The following PDE4B variants were observed in gnomAD, a reference collection of about 807,000 sequenced individuals.
PDE4B encodes the protein 3',5'-cyclic-AMP phosphodiesterase 4B.
PDE4B carries 20 observed loss-of-function variants against 82.2 expected under a neutral mutation model. That is an observed-to-expected ratio of 0.24 (90% CI 0.17 to 0.35). The LOEUF is 0.35. PDE4B is among the 10% of genes least tolerant of loss of function. PDE4B has a pLI of 1.00. For synonymous variants in PDE4B, 320 were observed against 318.9 expected, an observed-to-expected ratio of 1.00 and a Z score of -0.04; for missense variants, 655 against 907.2, an observed-to-expected ratio of 0.72 and a Z score of 3.57.
rs547581521 is a variant in PDE4B at position 66,140,854 on chromosome 1, C to T, written c.282-106606C>T. Among the ~76,000 whole-genome samples the T allele has an allele frequency of 2.6e-3, 390 of 152,234 alleles. 2 individuals carry two copies. Among genetic ancestry groups the T allele is most frequent in the African/African-American group, 9.1e-3 (376 of 41,522 alleles). On this transcript the variant is annotated intron_variant, in intron 3 of 16. Coordinates refer to ENST00000341517, the MANE Select transcript of PDE4B (RefSeq NM_002600.4). ...ATATGATTTCACATACATTTTTGCT[C>T]TCTTGAAAATTAGCTTTGTGGCAAT...
intron 3 of PDE4B, among the ~76,000 whole-genome samples, chr1:65,929,699 G>A (rs1162698776): frequency 5.3e-5 from 8 of 152,090 alleles, no homozygotes; most frequent in African/African-American, 7.2e-5. Flanking sequence ...GCTTCATTAC[G>A]TTCCTTGGTT....
At chr1:66,029,289 T>A (rs1653628582) in intron 3 of PDE4B, among the ~76,000 whole-genome samples, 1 of 152,178 alleles carries the variant, frequency 6.6e-6, no homozygotes, top group African/African-American at 2.4e-5. Context: ...GACCGGCTCC[T>A]GTGATTCAAT....
At chr1:65,826,964 G>A (rs1362300857) in intron 1 of PDE4B, among the ~76,000 whole-genome samples, 5 of 152,148 alleles carry the variant, frequency 3.3e-5, no homozygotes, top group African/African-American at 1.2e-4. Context: ...TTTTGAGAGA[G>A]GTGCAAAGGG....
At chr1:66,036,524 G>A (rs1418986083) in intron 3 of PDE4B, among the ~76,000 whole-genome samples, 1 of 152,120 alleles carries the variant, frequency 6.6e-6, no homozygotes, top group African/African-American at 2.4e-5. Context: ...GTCCATTTTG[G>A]TTCTTCTGTA....
At chr1:66,283,135 C>G (rs1390953074) in intron 7 of PDE4B, among the ~76,000 whole-genome samples, 1 of 152,030 alleles carries the variant, frequency 6.6e-6, no homozygotes, top group Non-Finnish European at 1.5e-5. Context: ...GATTCTGGAG[C>G]CACACTGCCT....
intron 3 of PDE4B, among the ~76,000 whole-genome samples, chr1:66,134,248 A>G (rs904710600): frequency 1.3e-5 from 2 of 152,220 alleles, no homozygotes; most frequent in Non-Finnish European, 2.9e-5. Context: ...AGCTGGCACC[A>G]TGGAGTTGCT....
rs1570047275 is a variant in PDE4B at position 66,036,287 on chromosome 1, C to T, written c.281+117452C>T. 2.0e-5 allele frequency among the ~76,000 whole-genome samples: 3 copies of T among 152,002 alleles called. No individual in the cohort carries two copies. In the East Asian group the frequency reaches 5.8e-4, roughly 29 times the overall value. Reference sequence around the variant, plus strand: ...TAATCTGTGGGTTGTCTCTTTACTCCCTGAATTGTTTTCTTTGCTGTGCAG... The same window carrying T: ...TAATCTGTGGGTTGTCTCTTTACTCTCTGAATTGTTTTCTTTGCTGTGCAG... On this transcript the variant is annotated intron_variant, in intron 3 of 16. Coordinates refer to ENST00000341517, the MANE Select transcript of PDE4B (RefSeq NM_002600.4).
chr1:66,242,145 G>A (rs544826994), intron 3 of PDE4B, among the ~76,000 whole-genome samples: 22 of 152,210 alleles, frequency 1.4e-4, no homozygotes, highest in Non-Finnish European at 2.2e-4. Flanking sequence ...ACATCTGAGG[G>A]GTCAGGGCAC....
At chr1:66,073,623 A>C (rs1330669350) in intron 3 of PDE4B, among the ~76,000 whole-genome samples, 1 of 152,042 alleles carries the variant, frequency 6.6e-6, no homozygotes, top group Admixed American at 6.6e-5. Context: ...TGAAAAAAAA[A>C]TATTTGCAGC....
chr1:66,005,550 C>A (rs1652104563), intron 3 of PDE4B, among the ~76,000 whole-genome samples: 1 of 152,238 alleles, frequency 6.6e-6, no homozygotes, highest in East Asian at 1.9e-4. Flanking sequence ...AAAGTTATAT[C>A]TTTAAGTCCA....
intron 1 of PDE4B, among the ~76,000 whole-genome samples, chr1:65,806,558 C>T (rs1434570494): frequency 1.3e-5 from 2 of 152,228 alleles, no homozygotes; most frequent in Admixed American, 6.5e-5. Flanking sequence ...GAATCCGTCT[C>T]TTCAGAATCC....
chr1:65,971,838 C>T (rs1007705618), intron 3 of PDE4B, among the ~76,000 whole-genome samples: 13 of 152,066 alleles, frequency 8.5e-5, no homozygotes, highest in African/African-American at 2.2e-4. Context: ...TTGCTATATT[C>T]CTGTAGCTAT....
intron 3 of PDE4B, among the ~76,000 whole-genome samples, chr1:66,106,406 A>G (rs977780802): frequency 3.3e-5 from 5 of 151,846 alleles, no homozygotes; most frequent in African/African-American, 9.7e-5. Flanking sequence ...TCTCTTTTTT[A>G]GTTGTGTCTC....
intron 3 of PDE4B, among the ~76,000 whole-genome samples, chr1:66,207,642 A>G (rs978579526): frequency 6.6e-6 from 1 of 152,334 alleles, no homozygotes; most frequent in Middle Eastern, 3.4e-3. Flanking sequence ...AATTTCTCAT[A>G]TGATACACAA....
intron 3 of PDE4B, among the ~76,000 whole-genome samples, chr1:66,046,614 A>T (rs1475272183): frequency 1.3e-5 from 2 of 151,968 alleles, no homozygotes; most frequent in African/African-American, 4.8e-5. Flanking sequence ...GAAAGTCAGC[A>T]CTTGTTATTT....
At chr1:66,221,483 G>A (rs1388567239) in intron 3 of PDE4B, among the ~76,000 whole-genome samples, 1 of 152,110 alleles carries the variant, frequency 6.6e-6, no homozygotes, top group African/African-American at 2.4e-5. Context: ...TATAAAAAAT[G>A]TAAAACATAT....
At chr1:66,285,464 C>T (rs1656608562) in intron 7 of PDE4B, among the ~76,000 whole-genome samples, 1 of 151,854 alleles carries the variant, frequency 6.6e-6, no homozygotes, top group African/African-American at 2.4e-5. Flanking sequence ...GAACATTGTA[C>T]CCATTAAGAA....
chr1:65,952,881 G>T (rs557192130), intron 3 of PDE4B, among the ~76,000 whole-genome samples: 1 of 152,046 alleles, frequency 6.6e-6, no homozygotes, highest in Non-Finnish European at 1.5e-5. Flanking sequence ...TTAGCAAAAC[G>T]TCTGACTCAT....
At chr1:66,018,528 G>A (rs1652906324) in intron 3 of PDE4B, among the ~76,000 whole-genome samples, 1 of 152,152 alleles carries the variant, frequency 6.6e-6, no homozygotes, top group Non-Finnish European at 1.5e-5. Context: ...AATGTGCTTT[G>A]TGTAGATACA....
Sources: allele counts gnomAD v4.1 joint callset (sites outside exome capture counted in the v4.1 genomes callset), GRCh38; gene constraint gnomAD v4.1.1; transcripts MANE v1.5; gene names NCBI Gene and HGNC (gene_info 2026-07-23, HGNC 2026-07-21).